The following FGD4 variants were observed in gnomAD, a reference collection of about 807,000 sequenced individuals.
FGD4 encodes FYVE, RhoGEF and PH domain-containing protein 4.
FGD4 carries 42 observed loss-of-function variants against 102.0 expected under a neutral mutation model. The observed-to-expected ratio is 0.41, with a 90% confidence interval of 0.32 to 0.53. The LOEUF is 0.53. FGD4 is among the 20% of genes least tolerant of loss of function. The pLI is 0.21. For synonymous variants in FGD4, 380 were observed against 375.7 expected, an observed-to-expected ratio of 1.01 and a Z score of -0.13; for missense variants, 902 against 1,078.2, an observed-to-expected ratio of 0.84 and a Z score of 2.29.
rs368451193 is a variant in FGD4, at chr12:32,602,252, A to G, written c.1339A>G (p.Met447Val). 18 of 1,614,066 alleles carry G rather than the reference A, an allele frequency of 1.1e-5. No homozygotes were observed. Among genetic ancestry groups the G allele is most frequent in the South Asian group, 3.3e-5 (3 of 91,082 alleles). The change falls in exon 7 of 17, where the codon ATG (methionine) becomes GTG (valine). Residue 447 changes from methionine to valine, a missense_variant. Coordinates refer to ENST00000534526, the MANE Select transcript of FGD4 (RefSeq NM_001370298.3). ...GEYVKGFDNA[M>V]ELVKNMTERI... ...ATATGTGAAAGGATTTGATAATGCA[A>G]TGGAATTGGTTAAAAACATGACAGA...
In FGD4 at chr12:32,529,774, C is replaced by T. The variant is rs1366525625; in HGVS notation, c.167-34363C>T. On this transcript the variant is annotated intron_variant, in intron 1 of 16. Transcript: ENST00000534526. ...AGGAGAATCACTTGAACCTGGGAGG[C>T]GGAAGTTGCAGTGAGCCAAAATTGA... Among the ~76,000 whole-genome samples, 19 of 146,866 alleles carry T rather than the reference C, an allele frequency of 1.3e-4. 1 individual carries two copies. Among genetic ancestry groups the T allele is most frequent in the Admixed American group, 7.0e-5 (1 of 14,370 alleles).
chr12:32,601,909 C>G (rs1432244837), intron 6 of FGD4, among the ~76,000 whole-genome samples: 1 of 152,010 alleles, frequency 6.6e-6, no homozygotes, highest in Non-Finnish European at 1.5e-5. Flanking sequence ...GAGTTCAAGA[C>G]CAGCCTGGGC....
At chr12:32,538,382 A>C (rs1190667639) in intron 1 of FGD4, among the ~76,000 whole-genome samples, 1 of 152,220 alleles carries the variant, frequency 6.6e-6, no homozygotes, top group African/African-American at 2.4e-5. Flanking sequence ...AATGAGCAGG[A>C]ATATAAGAAG....
At chr12:32,480,294 T>C (rs983724714) in intron 1 of FGD4, among the ~76,000 whole-genome samples, 8 of 151,906 alleles carry the variant, frequency 5.3e-5, no homozygotes, top group African/African-American at 1.9e-4. Context: ...CCCAAGTAGC[T>C]GGGATTACAG....
intron 8 of FGD4, among the ~76,000 whole-genome samples, chr12:32,609,566 C>T (rs997546822): frequency 6.6e-6 from 1 of 152,172 alleles, no homozygotes; most frequent in Non-Finnish European, 1.5e-5. Flanking sequence ...TACACTCAGA[C>T]TTTGGTATCC....
intron 1 of FGD4, among the ~76,000 whole-genome samples, chr12:32,549,796 ATTC>A (rs1412094143): frequency 6.6e-6 from 1 of 152,170 alleles, no homozygotes; most frequent in Non-Finnish European, 1.5e-5. Context: ...ACAAAACAGC[ATTC>A]TTCTTGTGTT....
Position 32,402,441 on chromosome 12 carries a change from G to A in FGD4, c.166+2482G>A, listed in dbSNP as rs1017763343. Among the ~76,000 whole-genome samples, 41 of 151,624 alleles carry A rather than the reference G, an allele frequency of 2.7e-4. 1 individual carries two copies. The highest frequency in any genetic ancestry group is 8.7e-4 in the African/African-American group (36 of 41,234). On this transcript the variant is annotated intron_variant, in intron 1 of 16. Coordinates refer to ENST00000534526, the MANE Select transcript of FGD4 (RefSeq NM_001370298.3). ...AGAGAGAGAGAGAGAGGGGAGGGGA[G>A]TCAGAGAGAGATGGGGTCTCACTGT...
Position 32,576,293 on chromosome 12 carries a change from A to G in FGD4, c.347A>G (p.Asn116Ser), listed in dbSNP as rs1349420425. ...QVPPKPLHLQ[N>S]SPSSNIHQTP... is the part of the protein sequence containing the mutation. ...CCTCCAAAGCCATTACACCTGCAGAATTCACCTTCGTCCAATATACACCAA... is the reference window on the plus strand; with the variant it reads ...CCTCCAAAGCCATTACACCTGCAGAGTTCACCTTCGTCCAATATACACCAA... Residue 116 changes from asparagine to serine, a missense_variant, in exon 3 of 17, where the codon AAT (asparagine) becomes AGT (serine). Transcript: ENST00000534526. 1 of 1,609,200 alleles carries G rather than the reference A, an allele frequency of 6.2e-7. No homozygotes were observed. The highest frequency in any genetic ancestry group is 8.5e-7 in the Non-Finnish European group (1 of 1,177,314).
At chr12:32,519,033 T>C (rs1448768143) in intron 1 of FGD4, among the ~76,000 whole-genome samples, 2 of 146,596 alleles carry the variant, frequency 1.4e-5, no homozygotes, top group Non-Finnish European at 3.0e-5. Flanking sequence ...GAGAATCGCT[T>C]GAACCAGGGA....
intron 1 of FGD4, among the ~76,000 whole-genome samples, chr12:32,509,241 CTT>C (rs35053299): frequency 2.8e-3 from 377 of 132,608 alleles, no homozygotes; most frequent in African/African-American, 7.0e-3. Flanking sequence ...CTTTTATTCT[CTT>C]TTTTTTTTTT....
rs79045882 is a variant in FGD4 at position 32,410,918 on chromosome 12, C to G, written c.166+10959C>G. 9.8e-3 allele frequency among the ~76,000 whole-genome samples: 1,451 copies of G among 148,242 alleles called. 8 individuals are homozygous for G. Among genetic ancestry groups the G allele is most frequent in the Non-Finnish European group, 0.016 (1,061 of 67,424 alleles). On this transcript the variant is annotated intron_variant, in intron 1 of 16. Transcript: ENST00000534526. Reference sequence around the variant, plus strand: ...AAAAGCACAATGACTTTACAATGAACTCTTTTTTTTTTCTTTTTTTTTTTT... The same window carrying G: ...AAAAGCACAATGACTTTACAATGAAGTCTTTTTTTTTTCTTTTTTTTTTTT...
intron 1 of FGD4, 145 bp downstream of exon 1, chr12:32,400,104 G>C: frequency 8.4e-7 from 1 of 1,193,790 alleles, no homozygotes; most frequent in Non-Finnish European, 1.1e-6. Flanking sequence ...GGCTGCGCTC[G>C]GCCACCCACT....
chr12:32,603,920 T>G (rs902266510), intron 7 of FGD4, among the ~76,000 whole-genome samples: 1 of 152,080 alleles, frequency 6.6e-6, no homozygotes, highest in Non-Finnish European at 1.5e-5. Context: ...CCCAGGCTGG[T>G]CTTGAACACC....
At position 32,399,566 on chromosome 12, in the gene FGD4, C is replaced by G. The variant is rs1940559822; in HGVS notation, c.-228C>G. 1 of 1,107,032 alleles carries G rather than the reference C, an allele frequency of 9.0e-7. No individual in the cohort carries two copies. Among genetic ancestry groups the G allele is most frequent in the Non-Finnish European group, 1.2e-6 (1 of 816,658 alleles). 68.6% of individuals were successfully genotyped at this position (1,107,032 alleles called of 1,614,324 possible). A position where few individuals can be genotyped will look rare whatever the true frequency, so the allele number is the denominator to read the frequency against. ...GAGTGAGTGCGGGAGCTGCAGATAC[C>G]GAGACGCTGCGACTGCCGCAGGAGT... On this transcript the variant is annotated 5_prime_UTR_variant, in exon 1 of 17. Coordinates refer to ENST00000534526, the MANE Select transcript of FGD4 (RefSeq NM_001370298.3).
chr12:32,477,849 CT>C (rs1943620364), intron 1 of FGD4, among the ~76,000 whole-genome samples: 1 of 152,184 alleles, frequency 6.6e-6, no homozygotes, highest in African/African-American at 2.4e-5. Context: ...TCACTTGGAA[CT>C]TTTGTGGTGC....
chr12:32,563,994 A>AGAGAGGGAGACCGTGGAAAGGG (rs1944953370), intron 1 of FGD4, 143 bp from the exon 2 acceptor site: 1 of 773,366 alleles, frequency 1.3e-6, no homozygotes, highest in Non-Finnish European at 1.9e-6. Context: ...GACCGTGGAA[A>AGAGAGGGAGACCGTGGAAAGGG]GAGAGGGAGA....
At chr12:32,615,507 T>C (rs1346397249) in intron 10 of FGD4, among the ~76,000 whole-genome samples, 1 of 152,206 alleles carries the variant, frequency 6.6e-6, no homozygotes, top group Non-Finnish European at 1.5e-5. Context: ...AAGTTCTCAT[T>C]TGTGCTAAAC....
chr12:32,542,208 C>CT (rs1263049682), intron 1 of FGD4, among the ~76,000 whole-genome samples: 1 of 152,126 alleles, frequency 6.6e-6, no homozygotes, highest in Non-Finnish European at 1.5e-5. Flanking sequence ...ACACAGTAGG[C>CT]TGAGGTAGTT....
chr12:32,516,761 T>C (rs1939939653), intron 1 of FGD4, among the ~76,000 whole-genome samples: 1 of 152,190 alleles, frequency 6.6e-6, no homozygotes, highest in African/African-American at 2.4e-5. Context: ...GGTGAGTTGT[T>C]TGTAAATGAT....
Sources: allele counts gnomAD v4.1 joint callset (sites outside exome capture counted in the v4.1 genomes callset), GRCh38; gene constraint gnomAD v4.1.1; transcripts MANE v1.5; gene names NCBI Gene and HGNC (gene_info 2026-07-23, HGNC 2026-07-21).